Variants in DIAPH3 observed in about 807,000 individuals in gnomAD.
The protein encoded by DIAPH3 is protein diaphanous homolog 3.
Under a neutral mutation model 144.3 loss-of-function variants are expected in DIAPH3, and 117 were observed. The ratio of observed to expected loss-of-function variants is 0.81; its 90% CI spans 0.70 to 0.95. DIAPH3 has a LOEUF of 0.95. Ranked by LOEUF, DIAPH3 falls within the 40% of genes least tolerant of loss-of-function variation. The pLI is 0.00. For synonymous variants in DIAPH3, 519 were observed against 488.9 expected, an observed-to-expected ratio of 1.06 and a Z score of -0.81; for missense variants, 1,421 against 1,412.7, an observed-to-expected ratio of 1.01 and a Z score of -0.09.
rs563105092 is a variant in DIAPH3 at position 59,779,101 on chromosome 13, C to G, written c.3164-4278G>C. Among the ~76,000 whole-genome samples the G allele has an allele frequency of 2.0e-5, 3 of 152,312 alleles. No individual in the cohort carries two copies. In the East Asian group the frequency reaches 5.8e-4, roughly 29 times the overall value. On this transcript the variant is annotated intron_variant, in intron 25 of 27. Transcript: ENST00000400324. Reference sequence around the variant, plus strand: ...GTGATTCTCTACAAACATTCTTTCTCTCGTCCATCACTGTCCACCTGGAAC... The same window carrying G: ...GTGATTCTCTACAAACATTCTTTCTGTCGTCCATCACTGTCCACCTGGAAC...
chr13:60,073,191 C>A (rs368690997), intron 4 of DIAPH3, among the ~76,000 whole-genome samples: 1 of 152,114 alleles, frequency 6.6e-6, no homozygotes, highest in East Asian at 1.9e-4. Context: ...TGCCTGTAAT[C>A]TCAGCTACTC....
At chr13:59,755,833 T>C (rs1443380668) in intron 27 of DIAPH3, among the ~76,000 whole-genome samples, 1 of 152,040 alleles carries the variant, frequency 6.6e-6, no homozygotes, top group Non-Finnish European at 1.5e-5. Context: ...CATATGAATA[T>C]AGAGGATAAT....
intron 3 of DIAPH3, among the ~76,000 whole-genome samples, chr13:60,106,950 C>T (rs1165860554): frequency 3.3e-5 from 5 of 152,020 alleles, no homozygotes; most frequent in Non-Finnish European, 5.9e-5. Context: ...AGGAAACATA[C>T]GAACTATTCC....
At chr13:60,135,765 T>G (rs957609854) in intron 1 of DIAPH3, among the ~76,000 whole-genome samples, 6 of 152,238 alleles carry the variant, frequency 3.9e-5, no homozygotes, top group Non-Finnish European at 8.8e-5. Context: ...TACATAGTTA[T>G]GTACACACAT....
chr13:59,969,861 A>G, intron 17 of DIAPH3, 83 bp downstream of exon 17: 1 of 853,006 alleles, frequency 1.2e-6, no homozygotes, highest in Non-Finnish European at 1.8e-6. Flanking sequence ...TCATAAAATA[A>G]TGTTTTCTGA....
At chr13:60,065,314 A>G (rs2056915338) in intron 4 of DIAPH3, among the ~76,000 whole-genome samples, 4 of 151,754 alleles carry the variant, frequency 2.6e-5, no homozygotes, top group Admixed American at 2.6e-4. Context: ...GGCATAATAA[A>G]ACAAGGTACA....
chr13:60,050,504 T>C (rs1354313312), intron 4 of DIAPH3, among the ~76,000 whole-genome samples: 1 of 152,100 alleles, frequency 6.6e-6, no homozygotes, highest in Non-Finnish European at 1.5e-5. Context: ...TTTTCACATT[T>C]TCAAATGCTT....
At chr13:60,114,971 C>A (rs1397837988) in intron 2 of DIAPH3, among the ~76,000 whole-genome samples, 1 of 152,076 alleles carries the variant, frequency 6.6e-6, no homozygotes, top group Non-Finnish European at 1.5e-5. Flanking sequence ...CTTATAGCCT[C>A]CTGTTAATGG....
At chr13:59,955,105 TAC>T (rs2049322881) in intron 17 of DIAPH3, among the ~76,000 whole-genome samples, 8 of 151,324 alleles carry the variant, frequency 5.3e-5, no homozygotes, top group Non-Finnish European at 7.4e-5. Context: ...CATGTATATA[TAC>T]ACACACACTT....
intron 1 of DIAPH3, among the ~76,000 whole-genome samples, chr13:60,143,879 C>T (rs572006893): frequency 6.6e-6 from 1 of 152,294 alleles, no homozygotes; most frequent in Admixed American, 6.5e-5. Flanking sequence ...AGGAGACTCA[C>T]AGTCAGATGG....
At chr13:60,127,766 C>A (rs1246835565) in intron 2 of DIAPH3, among the ~76,000 whole-genome samples, 1 of 152,056 alleles carries the variant, frequency 6.6e-6, no homozygotes, top group Non-Finnish European at 1.5e-5. Context: ...CAGAGGGAAC[C>A]TTTTGGGGTG....
At chr13:60,134,826 G>T (rs1001416634) in intron 1 of DIAPH3, among the ~76,000 whole-genome samples, 1 of 152,142 alleles carries the variant, frequency 6.6e-6, no homozygotes, top group African/African-American at 2.4e-5. Flanking sequence ...AGGATGGTAT[G>T]CCACAATAAA....
chr13:59,744,362 T>C (rs946379529), intron 27 of DIAPH3, among the ~76,000 whole-genome samples: 15 of 152,170 alleles, frequency 9.9e-5, no homozygotes, highest in Admixed American at 9.2e-4. Flanking sequence ...CTGGGTATTC[T>C]GTTAGGCATT....
chr13:60,054,290 T>C lies in DIAPH3; in HGVS notation c.496-11470A>G, dbSNP rs1345228848. 6.6e-5 allele frequency among the ~76,000 whole-genome samples: 10 copies of C among 152,190 alleles called. No homozygotes were observed. The South Asian group carries it at 2.1e-3, about 32-fold the overall frequency. ...GTAAGAATAGTTTGAACTTTAATTTTTAAGTGAAGTTAGTTACTAGATTCT... is the reference window on the plus strand; with the variant it reads ...GTAAGAATAGTTTGAACTTTAATTTCTAAGTGAAGTTAGTTACTAGATTCT... On this transcript the variant is annotated intron_variant, in intron 4 of 27. Transcript: ENST00000400324.
In DIAPH3 at chr13:59,714,509, T is replaced by C. The variant is rs115247516; in HGVS notation, c.3320-47663A>G. The stretch of plus-strand genomic sequence containing the variant: ...ATGAACACACCACTGCCTGCTAGCC[T>C]GGGCAACACAGTGAGACCATGTCTA... On this transcript the variant is annotated intron_variant, in intron 27 of 27. Transcript: ENST00000400324. 1.5e-3 allele frequency among the ~76,000 whole-genome samples: 227 copies of C among 152,334 alleles called. 2 individuals carry two copies. Among genetic ancestry groups the C allele is most frequent in the African/African-American group, 5.1e-3 (214 of 41,580 alleles).
intron 21 of DIAPH3, among the ~76,000 whole-genome samples, chr13:59,872,515 C>T (rs939605898): frequency 6.6e-6 from 1 of 152,058 alleles, no homozygotes; most frequent in Admixed American, 6.5e-5. Flanking sequence ...TCTCCCCTGT[C>T]CCCCAAGAAC....
intron 17 of DIAPH3, among the ~76,000 whole-genome samples, chr13:59,969,001 T>C (rs923199922): frequency 2.0e-5 from 3 of 152,174 alleles, no homozygotes; most frequent in Admixed American, 6.5e-5. Context: ...CATAAGTCTA[T>C]AGTGAAAAAT....
intron 24 of DIAPH3, among the ~76,000 whole-genome samples, chr13:59,830,692 T>C (rs1485407693): frequency 1.3e-5 from 2 of 151,818 alleles, no homozygotes; most frequent in African/African-American, 4.8e-5. Context: ...ACCTCTATTA[T>C]ATGCATAACT....
At chr13:59,761,054 A>G (rs4886194) in intron 27 of DIAPH3, among the ~76,000 whole-genome samples, 49,883 of 152,118 alleles carry the variant, frequency 0.33, 8,478 homozygotes, top group African/African-American at 0.4. Flanking sequence ...AATAATTTCT[A>G]ATTTACTTGG....
Sources: allele counts gnomAD v4.1 joint callset (sites outside exome capture counted in the v4.1 genomes callset), GRCh38; gene constraint gnomAD v4.1.1; transcripts MANE v1.5; gene names NCBI Gene and HGNC (gene_info 2026-07-23, HGNC 2026-07-21).